Variants in GNAI1 observed in about 807,000 individuals in gnomAD.
GNAI1 encodes the protein G protein subunit alpha i1.
Under a neutral mutation model 38.9 loss-of-function variants are expected in GNAI1, and 11 were observed. The ratio of observed to expected loss-of-function variants is 0.28; its 90% CI spans 0.18 to 0.47. The LOEUF is 0.47. Ranked by LOEUF, GNAI1 falls within the 20% of genes least tolerant of loss-of-function variation. The probability of loss-of-function intolerance (pLI) is 0.99; values close to 1 mark genes in which losing one functional copy is unlikely to be tolerated. For missense variants in GNAI1, 317 were observed against 436.9 expected (o/e 0.73, Z 2.45); for synonymous variants, 166 against 145.1 (o/e 1.14, Z -1.04).
chr7:80,211,331 T>C (rs943634101), intron 6 of GNAI1, among the ~76,000 whole-genome samples: 1 of 152,194 alleles, frequency 6.6e-6, no homozygotes, highest in Non-Finnish European at 1.5e-5. Context: ...TTTCTGTATC[T>C]AATATCAACA....
At chr7:80,162,631 G>A (rs2714449) in intron 1 of GNAI1, among the ~76,000 whole-genome samples, 33,196 of 152,140 alleles carry the variant, frequency 0.22, 3,787 homozygotes, top group African/African-American at 0.26. Flanking sequence ...TTCAGTACCA[G>A]TGGAAAATCT....
rs112041189 is a variant in GNAI1, at chr7:80,205,545, T to C, written c.590+1713T>C. On this transcript the variant is annotated intron_variant, in intron 5 of 7. Transcript: ENST00000649796. ...TCATGTTTTTCTAAATTTCAACTTT[T>C]AAATACAGCGAAGGATTAGATAAAT... is the stretch of plus-strand genomic sequence containing the variant. 5.1e-3 allele frequency among the ~76,000 whole-genome samples: 776 copies of C among 152,270 alleles called. 8 individuals carry two copies. The highest frequency in any genetic ancestry group is 9.4e-3 in the Non-Finnish European group (638 of 68,012).
At chr7:80,168,383 T>A in intron 1 of GNAI1, among the ~76,000 whole-genome samples, 1 of 151,670 alleles carries the variant, frequency 6.6e-6, no homozygotes. Flanking sequence ...TTAATTATTT[T>A]ATTTATTTAT....
rs139139298 is a variant in GNAI1, at chr7:80,167,220, A to G, written c.119-21731A>G. Among the ~76,000 whole-genome samples, 685 of 152,366 alleles carry G rather than the reference A, an allele frequency of 4.5e-3. 9 individuals carry two copies. The highest frequency in any genetic ancestry group is 0.016 in the African/African-American group (645 of 41,588). On this transcript the variant is annotated intron_variant, in intron 1 of 7. Coordinates refer to ENST00000649796, the MANE Select transcript of GNAI1 (RefSeq NM_002069.6). Reference sequence around the variant, plus strand: ...ATGGACATCCAGACTCGAACACTGCACATGGATGCATGGAAGAAAGACAAG... The same window carrying G: ...ATGGACATCCAGACTCGAACACTGCGCATGGATGCATGGAAGAAAGACAAG...
chr7:80,203,253 G>C (rs1044615705), intron 4 of GNAI1, among the ~76,000 whole-genome samples: 1 of 152,070 alleles, frequency 6.6e-6, no homozygotes, highest in Non-Finnish European at 1.5e-5. Flanking sequence ...TTCAGCCTTT[G>C]GGAAGAGCTT....
chr7:80,137,293 C>CTTTTTTTT (rs377362596), intron 1 of GNAI1, among the ~76,000 whole-genome samples: 1 of 95,260 alleles, frequency 1.0e-5, no homozygotes, highest in Non-Finnish European at 1.9e-5. Flanking sequence ...TTTCTTTTTT[C>CTTTTTTTT]TTTTTTTTTT....
intron 1 of GNAI1, among the ~76,000 whole-genome samples, chr7:80,149,217 G>T (rs181790073): frequency 6.6e-6 from 1 of 150,698 alleles, no homozygotes; most frequent in Non-Finnish European, 1.5e-5. Flanking sequence ...AACTTTAGTG[G>T]CTATATATGT....
chr7:80,135,087 GAA>G lies in GNAI1; in HGVS notation c.-72_-71del. 1 of 1,028,026 alleles carries G rather than the reference GAA, an allele frequency of 9.7e-7. No individual in the cohort carries two copies. Among genetic ancestry groups the G allele is most frequent in the Non-Finnish European group, 1.3e-6 (1 of 745,838 alleles). The allele number at this position is 1,028,026 out of a possible 1,614,324, so 63.7% of individuals were successfully genotyped here. On this transcript the variant is annotated 5_prime_UTR_variant, in exon 1 of 8. Coordinates refer to ENST00000649796, the MANE Select transcript of GNAI1 (RefSeq NM_002069.6). ...GCGTTCGAACGCCCGCTAGGAGAGA[GAA>G]AGGATTCCCCTGTGCTTGGAGCCCG...
At chr7:80,211,907 G>A (rs766147220) in intron 6 of GNAI1, among the ~76,000 whole-genome samples, 17 of 152,106 alleles carry the variant, frequency 1.1e-4, no homozygotes, top group Non-Finnish European at 2.1e-4. Flanking sequence ...CTTGAACAAC[G>A]GGTTTAAGCT....
chr7:80,147,099 T>C (rs1787636085), intron 1 of GNAI1, among the ~76,000 whole-genome samples: 1 of 152,144 alleles, frequency 6.6e-6, no homozygotes. Flanking sequence ...TAAGTGGAGT[T>C]CTTTTGATGA....
chr7:80,184,096 C>T lies in GNAI1; in HGVS notation c.119-4855C>T, dbSNP rs140731069. Reference sequence around the variant, plus strand: ...ACCAGTGGGCGGAGGGGGAGGACTCCTCTGTGTGCCTGTTACCAGTAGCGA... The same window carrying T: ...ACCAGTGGGCGGAGGGGGAGGACTCTTCTGTGTGCCTGTTACCAGTAGCGA... On this transcript the variant is annotated intron_variant, in intron 1 of 7. Coordinates refer to ENST00000649796, the MANE Select transcript of GNAI1 (RefSeq NM_002069.6). 2.8e-3 allele frequency among the ~76,000 whole-genome samples: 431 copies of T among 152,264 alleles called. 6 individuals are homozygous for T. The highest frequency in any genetic ancestry group is 9.9e-3 in the African/African-American group (410 of 41,558).
intron 1 of GNAI1, among the ~76,000 whole-genome samples, chr7:80,138,089 A>T (rs17153482): frequency 0.013 from 1,968 of 152,344 alleles, 23 homozygotes; most frequent in East Asian, 0.064. Flanking sequence ...ACAGCCATTT[A>T]CATTAGATCG....
intron 1 of GNAI1, among the ~76,000 whole-genome samples, chr7:80,141,801 C>A (rs1787530588): frequency 6.6e-6 from 1 of 152,300 alleles, no homozygotes; most frequent in East Asian, 1.9e-4. Flanking sequence ...GCTTGGAAAT[C>A]TCTTCATCTT....
At chr7:80,196,436 G>A (rs1788575994) in intron 3 of GNAI1, among the ~76,000 whole-genome samples, 1 of 151,686 alleles carries the variant, frequency 6.6e-6, no homozygotes, top group Non-Finnish European at 1.5e-5. Flanking sequence ...CACTATTTTG[G>A]TACACTTACA....
intron 1 of GNAI1, among the ~76,000 whole-genome samples, chr7:80,153,221 A>T (rs1410176630): frequency 6.6e-6 from 1 of 152,122 alleles, no homozygotes; most frequent in Non-Finnish European, 1.5e-5. Context: ...CATGTCATAG[A>T]TAGTCTTCAA....
intron 1 of GNAI1, among the ~76,000 whole-genome samples, chr7:80,167,259 G>A (rs559533494): frequency 3.3e-5 from 5 of 152,312 alleles, no homozygotes; most frequent in African/African-American, 9.6e-5. Flanking sequence ...GTTTTTCCTT[G>A]CAATGCTCAG....
In GNAI1 at chr7:80,226,053, A is replaced by G. The variant is rs1789152435; in HGVS notation, c.*8560A>G. ...TTATTTTTGTTTTAAGTTTGGAAGAACCTGAATGATTAAACCTGATTTAAG... is the reference window on the plus strand; with the variant it reads ...TTATTTTTGTTTTAAGTTTGGAAGAGCCTGAATGATTAAACCTGATTTAAG... On this transcript the variant is annotated 3_prime_UTR_variant, in exon 8 of 8. Transcript: ENST00000649796. 6.6e-6 allele frequency among the ~76,000 whole-genome samples: 1 copy of G among 152,206 alleles called. No homozygotes were observed. Among genetic ancestry groups the G allele is most frequent in the African/African-American group, 2.4e-5 (1 of 41,450 alleles).
At chr7:80,209,625 A>C (rs1788839431) in intron 5 of GNAI1, among the ~76,000 whole-genome samples, 1 of 152,180 alleles carries the variant, frequency 6.6e-6, no homozygotes, top group Non-Finnish European at 1.5e-5. Flanking sequence ...AATGTGGGCT[A>C]GGGTCATTTG....
At chr7:80,166,079 G>A (rs1788006201) in intron 1 of GNAI1, among the ~76,000 whole-genome samples, 1 of 152,034 alleles carries the variant, frequency 6.6e-6, no homozygotes, top group Admixed American at 6.6e-5. Context: ...TTAGATTGCT[G>A]GAAAAATAAA....
Sources: allele counts gnomAD v4.1 joint callset (sites outside exome capture counted in the v4.1 genomes callset), GRCh38; gene constraint gnomAD v4.1.1; transcripts MANE v1.5; gene names NCBI Gene and HGNC (gene_info 2026-07-23, HGNC 2026-07-21).